PLXNA4: variants seen among roughly 807,000 people sequenced by gnomAD.
PLXNA4 encodes the protein plexin A4, also known as plexin-A4.
PLXNA4 carries 44 observed loss-of-function variants against 191.8 expected under a neutral mutation model. The observed-to-expected ratio is 0.23, with a 90% confidence interval of 0.18 to 0.29. The LOEUF is 0.29. Among genes scored for constraint, PLXNA4 ranks in the 10% least tolerant of loss-of-function variants. The pLI, the probability that PLXNA4 is intolerant of heterozygous loss-of-function variation, is 1.00. For synonymous variants in PLXNA4, 1,082 were observed against 1,009.5 expected (o/e 1.07, Z -1.36); for missense variants, 1,800 against 2,488.8 (o/e 0.72, Z 5.89).
intron 4 of PLXNA4, among the ~76,000 whole-genome samples, chr7:132,271,485 T>G (rs575889972): frequency 6.6e-6 from 1 of 150,754 alleles, no homozygotes; most frequent in African/African-American, 2.4e-5. Flanking sequence ...TCCACCCCAG[T>G]GGTTACTGGT....
intron 3 of PLXNA4, among the ~76,000 whole-genome samples, chr7:132,339,939 G>A (rs1439401673): frequency 2.0e-5 from 3 of 151,792 alleles, no homozygotes; most frequent in Admixed American, 1.3e-4. Context: ...TTTAACCAAA[G>A]ACACTGTAAT....
chr7:132,246,877 G>A (rs1799077915), intron 4 of PLXNA4, among the ~76,000 whole-genome samples: 1 of 151,806 alleles, frequency 6.6e-6, no homozygotes, highest in African/African-American at 2.4e-5. Context: ...ACAAAACAAT[G>A]GCCTAGCACA....
In PLXNA4 at chr7:132,124,607, C is replaced by A. The variant is rs931403727; in HGVS notation, c.*5872G>T. 2.0e-5 allele frequency: 3 copies of A among 152,272 alleles called. No individual in the cohort carries two copies. The highest frequency in any genetic ancestry group is 4.8e-5 in the African/African-American group (2 of 41,482). The allele number at this position is 152,272 out of a possible 1,614,324, so 9.4% of individuals were successfully genotyped here. On this transcript the variant is annotated 3_prime_UTR_variant, in exon 32 of 32. Coordinates refer to ENST00000321063, the MANE Select transcript of PLXNA4 (RefSeq NM_020911.2). ...GACCAAGTCTACTTGCTTTTGCAAT[C>A]CTGGCGGAGGGAAAGCTTGGGTCTT...
At chr7:132,519,221 C>A (rs1268070423) in intron 1 of PLXNA4, among the ~76,000 whole-genome samples, 1 of 152,240 alleles carries the variant, frequency 6.6e-6, no homozygotes, top group Admixed American at 6.5e-5. Flanking sequence ...GGTGTCAAGA[C>A]CTGCTCTGCA....
intron 1 of PLXNA4, among the ~76,000 whole-genome samples, chr7:132,557,995 G>T (rs761823826): frequency 6.6e-6 from 1 of 152,202 alleles, no homozygotes; most frequent in Non-Finnish European, 1.5e-5. Context: ...CTGCAAATGT[G>T]TCTAAGACAA....
At chr7:132,379,753 A>C (rs915092623) in intron 3 of PLXNA4, among the ~76,000 whole-genome samples, 3 of 152,192 alleles carry the variant, frequency 2.0e-5, no homozygotes. Flanking sequence ...CCAATCTTAA[A>C]ACCCAGGATT....
Position 132,516,436 on chromosome 7 carries a change from T to C in PLXNA4, c.-86-7657A>G, listed in dbSNP as rs74946100. 1.4e-3 allele frequency among the ~76,000 whole-genome samples: 207 copies of C among 152,278 alleles called. 1 individual carries two copies. The highest frequency in any genetic ancestry group is 4.7e-3 in the African/African-American group (196 of 41,560). On this transcript the variant is annotated intron_variant, in intron 1 of 31. Coordinates refer to ENST00000321063, the MANE Select transcript of PLXNA4 (RefSeq NM_020911.2). ...TTGGACTTTGAGAACCACCATCCTA[T>C]GCAGCAAAGGAAATCAGTATGGACC...
At chr7:132,614,442 G>C (rs1438861610) in intron 2 of PLXNA4, among the ~76,000 whole-genome samples, 1 of 152,226 alleles carries the variant, frequency 6.6e-6, no homozygotes. Context: ...ATAGCAGGAT[G>C]CAGCAGACAG....
chr7:132,600,388 G>C (rs2116839259), intron 2 of PLXNA4, among the ~76,000 whole-genome samples: 1 of 152,180 alleles, frequency 6.6e-6, no homozygotes, highest in East Asian at 1.9e-4. Flanking sequence ...TTTTGGGACA[G>C]GGTCTTACTC....
At chr7:132,450,530 C>T (rs1796080700) in intron 3 of PLXNA4, among the ~76,000 whole-genome samples, 1 of 152,156 alleles carries the variant, frequency 6.6e-6, no homozygotes, top group Non-Finnish European at 1.5e-5. Context: ...TATCAGCAGC[C>T]AGTGATCATG....
chr7:132,477,610 C>G (rs1797182556), intron 3 of PLXNA4, among the ~76,000 whole-genome samples: 1 of 152,230 alleles, frequency 6.6e-6, no homozygotes, highest in Non-Finnish European at 1.5e-5. Context: ...CACACATGCA[C>G]ACAGGCACTA....
intron 9 of PLXNA4, among the ~76,000 whole-genome samples, chr7:132,221,952 G>GT (rs1470511991): frequency 6.6e-6 from 1 of 152,150 alleles, no homozygotes; most frequent in Non-Finnish European, 1.5e-5. Flanking sequence ...TCTAGCAAAG[G>GT]TTTTATCTAG....
intron 13 of PLXNA4, among the ~76,000 whole-genome samples, chr7:132,195,765 GA>G (rs1263745813): frequency 6.6e-6 from 1 of 152,170 alleles, no homozygotes; most frequent in East Asian, 1.9e-4. Flanking sequence ...CTTGCTGATA[GA>G]TTGTCTGAAT....
rs1794690169 is a variant in PLXNA4 at position 132,123,483 on chromosome 7, C to T, written c.*6996G>A. ...CAAAGGTACAGAAGCTTGCCTTTAC[C>T]AAGTTACAACTGGGCTCCAATTTAA... On this transcript the variant is annotated 3_prime_UTR_variant, in exon 32 of 32. Coordinates refer to ENST00000321063, the MANE Select transcript of PLXNA4 (RefSeq NM_020911.2). The T allele has an allele frequency of 6.6e-6, 1 of 152,096 alleles. No homozygotes were observed. The highest frequency in any genetic ancestry group is 6.5e-5 in the Admixed American group (1 of 15,272). The allele number at this position is 152,096 out of a possible 1,614,324, so 9.4% of individuals were successfully genotyped here. A position where few individuals can be genotyped will look rare whatever the true frequency, so the allele number is the denominator to read the frequency against.
chr7:132,420,249 G>A (rs2117138868), intron 3 of PLXNA4, among the ~76,000 whole-genome samples: 1 of 152,324 alleles, frequency 6.6e-6, no homozygotes, highest in East Asian at 1.9e-4. Context: ...TCCTCCAAGA[G>A]GATGCACTTC....
At chr7:132,260,650 C>T (rs1349280975) in intron 4 of PLXNA4, among the ~76,000 whole-genome samples, 1 of 150,898 alleles carries the variant, frequency 6.6e-6, no homozygotes, top group African/African-American at 2.4e-5. Context: ...CTTGCACATA[C>T]ATGTGTTGAA....
chr7:132,360,819 T>A (rs532751048), intron 3 of PLXNA4, among the ~76,000 whole-genome samples: 2 of 152,300 alleles, frequency 1.3e-5, no homozygotes, highest in Middle Eastern at 3.4e-3. Context: ...GCACCCTGGA[T>A]AGCCCCTGTC....
intron 4 of PLXNA4, among the ~76,000 whole-genome samples, chr7:132,279,493 G>C (rs911558356): frequency 1.3e-5 from 2 of 152,062 alleles, no homozygotes; most frequent in Non-Finnish European, 2.9e-5. Context: ...AAATAGCCAG[G>C]CATGGTGGTA....
At chr7:132,327,975 A>T in intron 3 of PLXNA4, among the ~76,000 whole-genome samples, 1 of 152,144 alleles carries the variant, frequency 6.6e-6, no homozygotes, top group East Asian at 1.9e-4. Flanking sequence ...TCCTCTGCAT[A>T]TCTAGAAGGA....
Sources: gnomAD v4.1 joint callset for allele counts (sites outside exome capture counted in the v4.1 genomes callset) on GRCh38, gnomAD v4.1.1 for gene constraint, MANE v1.5 for transcripts, NCBI Gene and HGNC (gene_info 2026-07-23, HGNC 2026-07-21) for gene names.